ACACA: variants seen among roughly 807,000 people sequenced by gnomAD.
ACACA encodes acetyl-CoA carboxylase 1.
Under a neutral mutation model 296.1 loss-of-function variants are expected in ACACA, and 103 were observed. The ratio of observed to expected loss-of-function variants is 0.35; its 90% CI spans 0.30 to 0.41. The LOEUF (loss-of-function observed/expected upper bound fraction) is 0.41. Among genes scored for constraint, ACACA ranks in the 10% least tolerant of loss-of-function variants. ACACA has a pLI of 1.00. For missense variants in ACACA, 1,554 were observed against 2,989.7 expected (o/e 0.52, Z 11.20); for synonymous variants, 953 against 1,038.6 (o/e 0.92, Z 1.58).
chr17:37,226,152 C>A (rs2079534392), intron 26 of ACACA, among the ~76,000 whole-genome samples, 187 bp downstream of exon 26: 1 of 152,132 alleles, frequency 6.6e-6, no homozygotes, highest in Non-Finnish European at 1.5e-5. Flanking sequence ...AGAGACGCAG[C>A]ACTAATCTTT....
chr17:37,334,080 C>T (rs1280266810), intron 2 of ACACA, among the ~76,000 whole-genome samples: 1 of 151,908 alleles, frequency 6.6e-6, no homozygotes, highest in East Asian at 1.9e-4. Flanking sequence ...AGGCCACAGT[C>T]CTCAGGAAAG....
intron 1 of ACACA, chr17:37,392,061 C>CAGCT (rs985219800): frequency 4.3e-5 from 11 of 253,954 alleles, no homozygotes; most frequent in Admixed American, 9.6e-5. Context: ...AGAAACAAGG[C>CAGCT]AGCTGTTAGT....
chr17:37,263,283 T>C (rs1011082559), intron 11 of ACACA, among the ~76,000 whole-genome samples: 1 of 152,154 alleles, frequency 6.6e-6, no homozygotes, highest in African/African-American at 2.4e-5. Context: ...ACTCTGAAGA[T>C]ATTTAGAGGA....
At chr17:37,297,550 CT>C (rs1491458276) in intron 3 of ACACA, among the ~76,000 whole-genome samples, 3 of 147,504 alleles carry the variant, frequency 2.0e-5, no homozygotes, top group African/African-American at 2.5e-5. Flanking sequence ...TATATATACA[CT>C]TTTTTTTTGA....
At chr17:37,314,583 C>T (rs965297943) in intron 3 of ACACA, among the ~76,000 whole-genome samples, 10 of 151,222 alleles carry the variant, frequency 6.6e-5, no homozygotes, top group African/African-American at 1.7e-4. Flanking sequence ...CTGGGCTCCA[C>T]GACCAGAGGC....
At chr17:37,379,029 G>A (rs2050128573) in intron 1 of ACACA, 16 of 1,322,552 alleles carry the variant, frequency 1.2e-5, no homozygotes, top group South Asian at 3.1e-5. Flanking sequence ...CCATGATTGC[G>A]ACACTGCACT....
At chr17:37,218,543 T>C (rs901863808) in intron 29 of ACACA, among the ~76,000 whole-genome samples, 3 of 151,958 alleles carry the variant, frequency 2.0e-5, no homozygotes, top group Admixed American at 2.0e-4. Context: ...TTATAGCTGT[T>C]CATCAGAGTT....
intron 1 of ACACA, among the ~76,000 whole-genome samples, chr17:37,382,422 C>T (rs1429850748): frequency 1.3e-5 from 2 of 151,370 alleles, no homozygotes; most frequent in Non-Finnish European, 2.9e-5. Context: ...GATGCTATTG[C>T]TACATTACTG....
intron 52 of ACACA, among the ~76,000 whole-genome samples, chr17:37,104,324 A>G (rs761377877): frequency 7.9e-5 from 12 of 152,206 alleles, no homozygotes; most frequent in Non-Finnish European, 1.2e-4. Flanking sequence ...CAGAGACGAA[A>G]TATCACTGGT....
At chr17:37,151,747 T>C (rs12942721) in intron 43 of ACACA, among the ~76,000 whole-genome samples, 1 of 152,154 alleles carries the variant, frequency 6.6e-6, no homozygotes, top group Non-Finnish European at 1.5e-5. Flanking sequence ...CTGCAAGCTC[T>C]GCCTCCCGGG....
intron 45 of ACACA, among the ~76,000 whole-genome samples, chr17:37,148,723 C>T (rs2075917020): frequency 6.6e-6 from 1 of 151,976 alleles, no homozygotes; most frequent in African/African-American, 2.4e-5. Flanking sequence ...ACACTTTTTG[C>T]CAAGAACTAG....
intron 3 of ACACA, among the ~76,000 whole-genome samples, chr17:37,295,869 G>A (rs1438376582): frequency 2.0e-5 from 3 of 152,060 alleles, no homozygotes; most frequent in African/African-American, 7.2e-5. Context: ...AGGTTTCAAT[G>A]AGCCAAGATC....
chr17:37,177,605 C>A (rs1020792212), intron 41 of ACACA, among the ~76,000 whole-genome samples: 8 of 152,104 alleles, frequency 5.3e-5, no homozygotes, highest in African/African-American at 1.7e-4. Context: ...TGCTCTCAGC[C>A]CCATGTTCAC....
chr17:37,225,727 T>C (rs993899741), intron 26 of ACACA, among the ~76,000 whole-genome samples: 7 of 152,200 alleles, frequency 4.6e-5, no homozygotes, highest in African/African-American at 1.4e-4. Flanking sequence ...GTGACATGGA[T>C]ACAATTGTAG....
chr17:37,114,560 A>G (rs2074148226), intron 50 of ACACA, among the ~76,000 whole-genome samples: 1 of 149,978 alleles, frequency 6.7e-6, no homozygotes, highest in Non-Finnish European at 1.5e-5. Flanking sequence ...AAAAGAGTAC[A>G]TTTTGTAATC....
intron 21 of ACACA, 134 bp from the exon 22 acceptor site, chr17:37,243,693 C>A: frequency 1.1e-6 from 1 of 899,896 alleles, no homozygotes; most frequent in Non-Finnish European, 1.8e-6. Context: ...TCTGCACATA[C>A]TTGAGCCCTA....
intron 45 of ACACA, among the ~76,000 whole-genome samples, chr17:37,149,108 C>T (rs1431230144): frequency 3.3e-5 from 5 of 152,084 alleles, no homozygotes; most frequent in Admixed American, 3.3e-4. Flanking sequence ...ATAGTTTTCA[C>T]TCTTTCGAGC....
intron 5 of ACACA, among the ~76,000 whole-genome samples, chr17:37,281,797 C>T (rs1053784941): frequency 2.0e-5 from 3 of 152,074 alleles, no homozygotes; most frequent in Non-Finnish European, 4.4e-5. Context: ...ACCCAGGAGG[C>T]GGAGGTTGCA....
intron 3 of ACACA, among the ~76,000 whole-genome samples, chr17:37,291,806 C>A (rs1432177856): frequency 6.6e-6 from 1 of 151,998 alleles, no homozygotes; most frequent in Non-Finnish European, 1.5e-5. Context: ...TACGATTATA[C>A]TAATCTGAGA....
Sources: gnomAD v4.1 joint callset for allele counts (sites outside exome capture counted in the v4.1 genomes callset) on GRCh38, gnomAD v4.1.1 for gene constraint, MANE v1.5 for transcripts, NCBI Gene and HGNC (gene_info 2026-07-23, HGNC 2026-07-21) for gene names.